SLC8A1: variants seen among roughly 807,000 people sequenced by gnomAD.
The protein encoded by SLC8A1 is solute carrier family 8 member A1, also known as sodium/calcium exchanger 1.
Under a neutral mutation model 68.3 loss-of-function variants are expected in SLC8A1, and 18 were observed. That is an observed-to-expected ratio of 0.26 (90% CI 0.18 to 0.39). The LOEUF is 0.39. Among genes scored for constraint, SLC8A1 ranks in the 10% least tolerant of loss-of-function variants. The probability of loss-of-function intolerance (pLI) is 1.00; values close to 1 mark genes in which losing one functional copy is unlikely to be tolerated. For missense variants in SLC8A1, 985 were observed against 1,156.7 expected, an observed-to-expected ratio of 0.85 and a Z score of 2.15; for synonymous variants, 475 against 415.5, an observed-to-expected ratio of 1.14 and a Z score of -1.74.
chr2:40,428,800 T>C lies in SLC8A1; in HGVS notation c.1481A>G (p.His494Arg), dbSNP rs202132710. 24 of 1,613,748 alleles carry C rather than the reference T, an allele frequency of 1.5e-5. No individual in the cohort carries two copies. Among genetic ancestry groups the C allele is most frequent in the Admixed American group, 8.3e-5 (5 of 59,894 alleles). The change falls in exon 2 of 8, where the codon CAT becomes CGT. Residue 494 changes from histidine to arginine, a missense_variant. His to Arg is a conservative substitution (Grantham distance 29). Transcript: ENST00000406785. ...AGAAGATACTTTGACATTGCTGAGA[T>C]GCACAAGGAAATTTTCATCCTCCTC...
intron 1 of SLC8A1, among the ~76,000 whole-genome samples, chr2:40,447,979 C>G (rs999511530): frequency 2.6e-5 from 4 of 152,216 alleles, no homozygotes; most frequent in South Asian, 2.1e-4. Context: ...ACTGTCTACA[C>G]TCTTGGCTGG....
chr2:40,336,181 T>G (rs577756858), intron 2 of SLC8A1, among the ~76,000 whole-genome samples: 9 of 152,344 alleles, frequency 5.9e-5, no homozygotes, highest in Admixed American at 3.3e-4. Context: ...TTCCACTTTA[T>G]GTGGTACCTT....
At chr2:40,367,742 G>A (rs1314519439) in intron 2 of SLC8A1, among the ~76,000 whole-genome samples, 9 of 152,044 alleles carry the variant, frequency 5.9e-5, no homozygotes, top group African/African-American at 7.2e-5. Flanking sequence ...AACATGTAGC[G>A]AGACAATAAT....
At chr2:40,119,700 A>G (rs2125096576) in intron 7 of SLC8A1, among the ~76,000 whole-genome samples, 2 of 152,364 alleles carry the variant, frequency 1.3e-5, no homozygotes, top group Middle Eastern at 6.8e-3. Context: ...TTGACACAAA[A>G]TATGTTGATA....
chr2:40,276,588 T>C (rs998493001), intron 2 of SLC8A1, among the ~76,000 whole-genome samples: 1 of 152,216 alleles, frequency 6.6e-6, no homozygotes, highest in Non-Finnish European at 1.5e-5. Context: ...GAGTGACTTC[T>C]ACTTAAATCA....
intron 2 of SLC8A1, among the ~76,000 whole-genome samples, chr2:40,301,051 G>A (rs115481772): frequency 0.012 from 1,815 of 152,190 alleles, 30 homozygotes; most frequent in African/African-American, 0.041. Context: ...GAAGAAAAAC[G>A]TTCAAGGAAG....
At chr2:40,324,781 G>A (rs564585202) in intron 2 of SLC8A1, among the ~76,000 whole-genome samples, 2 of 151,958 alleles carry the variant, frequency 1.3e-5, no homozygotes, top group East Asian at 3.9e-4. Flanking sequence ...CCCCACAAAG[G>A]TTGCATCTTG....
rs540121021 is a variant in SLC8A1, at chr2:40,256,679, A to G, written c.1809-78824T>C. On this transcript the variant is annotated intron_variant, in intron 2 of 7. Coordinates refer to ENST00000406785, the Ensembl canonical transcript of SLC8A1. Reference sequence around the variant, plus strand: ...ACCTTTCCTAATGCTAAGCCAGGCAATGGAGGGCAGGAAAAAAAAATGTCT... The same window carrying G: ...ACCTTTCCTAATGCTAAGCCAGGCAGTGGAGGGCAGGAAAAAAAAATGTCT... Among the ~76,000 whole-genome samples the G allele has an allele frequency of 5.3e-5, 8 of 151,942 alleles. No homozygotes were observed. In the South Asian group the frequency reaches 1.2e-3, roughly 24 times the overall value.
intron 7 of SLC8A1, among the ~76,000 whole-genome samples, chr2:40,137,374 G>C (rs983747093): frequency 2.0e-5 from 3 of 152,152 alleles, no homozygotes; most frequent in Non-Finnish European, 4.4e-5. Flanking sequence ...ATAAACTGCT[G>C]ATTTTGGACA....
chr2:40,282,214 G>T (rs758967167), intron 2 of SLC8A1, among the ~76,000 whole-genome samples: 3 of 151,920 alleles, frequency 2.0e-5, no homozygotes, highest in Non-Finnish European at 2.9e-5. Context: ...AACTAAATCT[G>T]AAAGAAAAAC....
At chr2:40,231,885 A>G (rs1469602252) in intron 2 of SLC8A1, among the ~76,000 whole-genome samples, 1 of 152,122 alleles carries the variant, frequency 6.6e-6, no homozygotes, top group African/African-American at 2.4e-5. Flanking sequence ...GGACACTGGA[A>G]CCAAACTTGG....
chr2:40,313,312 A>C (rs1395185936), intron 2 of SLC8A1, among the ~76,000 whole-genome samples: 1 of 152,106 alleles, frequency 6.6e-6, no homozygotes, highest in African/African-American at 2.4e-5. Context: ...ATTGCTGTGT[A>C]TGGAAATGGT....
exon 8 of SLC8A1, chr2:40,111,342 G>T (rs1164007409): frequency 6.6e-6 from 1 of 152,082 alleles, no homozygotes; most frequent in Non-Finnish European, 1.5e-5. Flanking sequence ...GAGGTTGGCT[G>T]CTCATTTTGT....
At chr2:40,217,049 T>C (rs190768066) in intron 2 of SLC8A1, among the ~76,000 whole-genome samples, 1 of 152,340 alleles carries the variant, frequency 6.6e-6, no homozygotes, top group Non-Finnish European at 1.5e-5. Flanking sequence ...TTGCTTTTGG[T>C]GTTTTCGTCA....
In SLC8A1 at chr2:40,164,988, T is replaced by A; in HGVS notation, c.1931-4A>T. The A allele has an allele frequency of 6.2e-7, 1 of 1,613,768 alleles. No individual in the cohort carries two copies. The highest frequency in any genetic ancestry group is 1.7e-4 in the Middle Eastern group (1 of 6,060). On this transcript the variant is annotated splice_region_variant and splice_polypyrimidine_tract_variant and intron_variant, in intron 4 of 7. Coordinates refer to ENST00000406785, the Ensembl canonical transcript of SLC8A1. ...GGCTGCTTGTCATCATATTCGTCTG[T>A]GAAACGGAAGTATCAGAGAGTGAGC...
At chr2:40,472,853 T>C (rs1279451279) in intron 1 of SLC8A1, among the ~76,000 whole-genome samples, 1 of 152,212 alleles carries the variant, frequency 6.6e-6, no homozygotes, top group Non-Finnish European at 1.5e-5. Context: ...GCACACTATG[T>C]GTCAAGAACA....
At chr2:40,275,754 T>A (rs961824333) in intron 2 of SLC8A1, among the ~76,000 whole-genome samples, 3 of 152,192 alleles carry the variant, frequency 2.0e-5, no homozygotes, top group Non-Finnish European at 2.9e-5. Flanking sequence ...AGGTGCTTTG[T>A]AAACTGAAAA....
At chr2:40,258,603 G>A (rs1197268535) in intron 2 of SLC8A1, among the ~76,000 whole-genome samples, 1 of 152,130 alleles carries the variant, frequency 6.6e-6, no homozygotes, top group Non-Finnish European at 1.5e-5. Flanking sequence ...CATTTTGGGA[G>A]GCTGAAGACA....
At chr2:40,291,950 T>G (rs1001847886) in intron 2 of SLC8A1, among the ~76,000 whole-genome samples, 3 of 151,234 alleles carry the variant, frequency 2.0e-5, no homozygotes, top group African/African-American at 7.3e-5. Flanking sequence ...CCTTCCAAGA[T>G]ACAAACCATT....
Sources: gnomAD v4.1 joint callset for allele counts (sites outside exome capture counted in the v4.1 genomes callset) on GRCh38, gnomAD v4.1.1 for gene constraint, MANE v1.5 for transcripts, NCBI Gene and HGNC (gene_info 2026-07-23, HGNC 2026-07-21) for gene names.